Variants in NTN5 observed in about 807,000 individuals in gnomAD.
NTN5 encodes the protein netrin-5.
Under a neutral mutation model 38.7 loss-of-function variants are expected in NTN5, and 42 were observed. The observed-to-expected ratio is 1.08, with a 90% CI of 0.85 to 1.40. The LOEUF (loss-of-function observed/expected upper bound fraction) is 1.40. Ranked by LOEUF, NTN5 falls within the 40% of genes most tolerant of loss-of-function variation. The probability of loss-of-function intolerance (pLI) is 0.00; values close to 1 mark genes in which losing one functional copy is unlikely to be tolerated. For missense variants in NTN5, 658 were observed against 716.5 expected (o/e 0.92, Z 0.93); for synonymous variants, 329 against 303.9 (o/e 1.08, Z -0.86).
intron 1 of NTN5, among the ~76,000 whole-genome samples, chr19:48,672,503 C>T (rs1046531923): frequency 9.9e-5 from 15 of 152,182 alleles, no homozygotes; most frequent in Non-Finnish European, 2.1e-4. Context: ...CACATGCAGA[C>T]GCTGCCTCCC....
chr19:48,661,623 T>C lies in NTN5; in HGVS notation c.*54A>G. ...GCACCGTCGAGGTAGAAGGCTCAGC[T>C]CCTAGTCGCTCCCAAATTACTTTGT... On this transcript the variant is annotated 3_prime_UTR_variant, in exon 7 of 7. Transcript: ENST00000270235. 6.9e-7 allele frequency: 1 copy of C among 1,452,018 alleles called. No homozygotes were observed. The highest frequency in any genetic ancestry group is 2.5e-5 in the Admixed American group (1 of 40,104). 89.9% of individuals were successfully genotyped at this position (1,452,018 alleles called of 1,614,324 possible).
chr19:48,664,787 G>A lies in NTN5; in HGVS notation c.632-20C>T. The A allele has an allele frequency of 2.0e-6, 3 of 1,519,676 alleles. No homozygotes were observed. The highest frequency in any genetic ancestry group is 2.5e-5 in the South Asian group (2 of 79,988). 94.1% of individuals were successfully genotyped at this position (1,519,676 alleles called of 1,614,324 possible). On this transcript the variant is annotated intron_variant, in intron 2 of 6. Transcript: ENST00000270235. ...AGCAGGCTAGGAGCAAAATGGGGTG[G>A]GGGCGCATCAGGGCCGAGTGTGCTG... is the stretch of plus-strand genomic sequence containing the variant.
At chr19:48,663,054 G>T (rs185564708) in intron 6 of NTN5, 2 of 375,784 alleles carry the variant, frequency 5.3e-6, no homozygotes, top group Admixed American at 3.2e-5. Flanking sequence ...TTAGGGAACC[G>T]TGGGACAAGT....
At chr19:48,668,386 A>G (rs2147741436) in intron 2 of NTN5, among the ~76,000 whole-genome samples, 1 of 152,192 alleles carries the variant, frequency 6.6e-6, no homozygotes, top group Middle Eastern at 3.4e-3. Context: ...AATTTTCACT[A>G]CAGCCTGTAA....
intron 4 of NTN5, 34 bp downstream of exon 4, chr19:48,664,109 A>G: frequency 6.3e-7 from 1 of 1,581,290 alleles, no homozygotes. Flanking sequence ...TTCCCGCTCT[A>G]CTCAGGCTTG....
intron 2 of NTN5, among the ~76,000 whole-genome samples, chr19:48,668,132 G>A (rs1286098630): frequency 3.9e-5 from 6 of 152,090 alleles, no homozygotes. Context: ...GCATCGCATG[G>A]GACATTCCTG....
chr19:48,664,816 C>T (rs1334920067), intron 2 of NTN5, 49 bp from the exon 3 acceptor site: 1 of 1,440,568 alleles, frequency 6.9e-7, no homozygotes, highest in Admixed American at 2.7e-5. Context: ...TGTGCTGCTC[C>T]CCAGTCCTCA....
rs2031643454 is a variant in NTN5, at chr19:48,664,577, A to C, written c.820+2T>G. The stretch of plus-strand genomic sequence containing the variant: ...CCAGGCCTGTCTGCAGGCCACACTC[A>C]CCTCTGCAGGCCCTGCGGCTGAAGA... On this transcript the variant is annotated splice_donor_variant, in intron 3 of 6. Transcript: ENST00000270235. LOFTEE classifies it high-confidence loss of function. The C allele has an allele frequency of 6.2e-7, 1 of 1,605,430 alleles. No individual in the cohort carries two copies.
chr19:48,663,522 CAGT>C lies in NTN5; in HGVS notation c.1043_1045del (p.Tyr348del), dbSNP rs2031605725. On this transcript the variant is annotated inframe_deletion, in exon 6 of 7. Coordinates refer to ENST00000270235, the MANE Select transcript of NTN5 (RefSeq NM_145807.4). ...GTGTACCCTGGTGTCCGACATATTGCAGTAGTTTTGACACTGAGGGTCTGGGGA... is the reference window on the plus strand; with the variant it reads ...GTGTACCCTGGTGTCCGACATATTGCAGTTTTGACACTGAGGGTCTGGGGA... 2.5e-6 allele frequency: 4 copies of C among 1,614,054 alleles called. No homozygotes were observed. Among genetic ancestry groups the C allele is most frequent in the Non-Finnish European group, 2.5e-6 (3 of 1,180,028 alleles).
intron 5 of NTN5, 79 bp from the exon 6 acceptor site, chr19:48,663,622 C>T: frequency 1.3e-6 from 2 of 1,531,990 alleles, no homozygotes; most frequent in Non-Finnish European, 1.8e-6. Context: ...CCCTCCGTTC[C>T]ATCTTGATGG....
At chr19:48,669,903 TCACCAC>T (rs1243718159) in intron 2 of NTN5, among the ~76,000 whole-genome samples, 7 of 73,784 alleles carry the variant, frequency 9.5e-5, no homozygotes, top group African/African-American at 3.9e-4. Context: ...ACCACCACCA[TCACCAC>T]CACCACCATC....
In NTN5 at chr19:48,661,725, G is replaced by A. The variant is rs760971006; in HGVS notation, c.1422C>T (p.Gly474=). The part of the protein sequence containing the change: ...KRLQQEERAG[G]CRGVRAPTPS... ...GTGTGGGTGCCCGCACGCCGCGGCA[G>A]CCTCCGGCGCGCTCCTCCTGCTGCA... is the stretch of plus-strand genomic sequence containing the variant. The change falls in exon 7 of 7, where the codon GGC becomes GGT. Residue 474 remains glycine, a synonymous_variant. Coordinates refer to ENST00000270235, the MANE Select transcript of NTN5 (RefSeq NM_145807.4). 64 of 1,549,526 alleles carry A rather than the reference G, an allele frequency of 4.1e-5. No homozygotes were observed. Among genetic ancestry groups the A allele is most frequent in the Non-Finnish European group, 5.3e-5 (61 of 1,158,166 alleles).
chr19:48,663,649 A>G lies in NTN5; in HGVS notation c.1025-106T>C, dbSNP rs559002125. 41 of 1,516,664 alleles carry G rather than the reference A, an allele frequency of 2.7e-5. 1 individual carries two copies. In the African/African-American group the frequency reaches 4.4e-4, roughly 16 times the overall value. 94.0% of individuals were successfully genotyped at this position (1,516,664 alleles called of 1,614,324 possible). A position where few individuals can be genotyped will look rare whatever the true frequency, so the allele number is the denominator to read the frequency against. ...TCTTGATGGCCAGCTGGGGTACCCAAACCTTTGGGACTGGGCTCAATGGGT... is the reference window on the plus strand; with the variant it reads ...TCTTGATGGCCAGCTGGGGTACCCAGACCTTTGGGACTGGGCTCAATGGGT... On this transcript the variant is annotated intron_variant, in intron 5 of 6. Coordinates refer to ENST00000270235, the MANE Select transcript of NTN5 (RefSeq NM_145807.4).
In NTN5 at chr19:48,669,667, T is replaced by C. The variant is rs369771059; in HGVS notation, c.631+689A>G. 0.012 allele frequency among the ~76,000 whole-genome samples: 579 copies of C among 46,898 alleles called. 60 individuals carry two copies. The East Asian group carries it at 0.29, about 24-fold the overall frequency. The allele number at this position is 46,898 out of a possible 152,430, so 30.8% of individuals were successfully genotyped here. ...ATCACCACCACCAACACCACCACCA[T>C]CACCATCATCACCACCATCACCACC... is the stretch of plus-strand genomic sequence containing the variant. On this transcript the variant is annotated intron_variant, in intron 2 of 6. Coordinates refer to ENST00000270235, the MANE Select transcript of NTN5 (RefSeq NM_145807.4).
At chr19:48,662,194 T>C (rs2031569272) in intron 6 of NTN5, among the ~76,000 whole-genome samples, 153 bp from the exon 7 acceptor site, 2 of 152,098 alleles carry the variant, frequency 1.3e-5, no homozygotes, top group Admixed American at 6.5e-5. Flanking sequence ...TTGGAGAGTT[T>C]GACCCTAAAT....
chr19:48,666,557 A>G (rs1568450576), intron 2 of NTN5, among the ~76,000 whole-genome samples: 1 of 151,758 alleles, frequency 6.6e-6, no homozygotes, highest in East Asian at 1.9e-4. Context: ...CAAAAATCCA[A>G]AACAACAACA....
chr19:48,664,825 C>A, intron 2 of NTN5, 58 bp from the exon 3 acceptor site: 1 of 1,406,760 alleles, frequency 7.1e-7, no homozygotes. Context: ...CCCCAGTCCT[C>A]AGCTTTCTTC....
At chr19:48,672,348 G>A (rs1223742782) in intron 1 of NTN5, among the ~76,000 whole-genome samples, 4 of 152,176 alleles carry the variant, frequency 2.6e-5, no homozygotes, top group Non-Finnish European at 4.4e-5. Flanking sequence ...TGGACTGGGG[G>A]CCTCGGAGCC....
chr19:48,661,978 C>G lies in NTN5; in HGVS notation c.1169G>C (p.Arg390Pro). Residue 390 changes from arginine (R) to proline (P), a missense_variant, in exon 7 of 7, where the codon CGC (arginine) becomes CCC (proline). Physicochemically the swap from Arg to Pro is moderately radical, Grantham distance 103. Transcript: ENST00000270235. Reference protein sequence around the residue: ...AGPAWQRLAVRVLAVYKQRAQ... With the variant: ...AGPAWQRLAVPVLAVYKQRAQ... ...CCGCTGCTTGTAAACGGCCAGCACGCGCACGGCCAGCCGCTGCCATGCCGG... is the reference window on the plus strand; with the variant it reads ...CCGCTGCTTGTAAACGGCCAGCACGGGCACGGCCAGCCGCTGCCATGCCGG... 1 of 1,480,278 alleles carries G rather than the reference C, an allele frequency of 6.8e-7. No homozygotes were observed. The highest frequency in any genetic ancestry group is 8.9e-7 in the Non-Finnish European group (1 of 1,122,668). 91.7% of individuals were successfully genotyped at this position (1,480,278 alleles called of 1,614,324 possible). A position where few individuals can be genotyped will look rare whatever the true frequency, so the allele number is the denominator to read the frequency against.
Sources: allele counts gnomAD v4.1 joint callset (sites outside exome capture counted in the v4.1 genomes callset), GRCh38; gene constraint gnomAD v4.1.1; transcripts MANE v1.5; gene names NCBI Gene and HGNC (gene_info 2026-07-23, HGNC 2026-07-21).